The following HSPBP1 variants were observed in gnomAD, a reference collection of about 807,000 sequenced individuals.
HSPBP1 encodes hsp70-binding protein 1.
Under a neutral mutation model 41.7 loss-of-function variants are expected in HSPBP1, and 31 were observed. That is an observed-to-expected ratio of 0.74 (90% CI 0.56 to 1.00). The LOEUF (loss-of-function observed/expected upper bound fraction) is 1.00. Ranked by LOEUF, HSPBP1 falls within the 50% of genes least tolerant of loss-of-function variation. The pLI, the probability that HSPBP1 is intolerant of heterozygous loss-of-function variation, is 0.00. For synonymous variants in HSPBP1, 199 were observed against 214.4 expected (o/e 0.93, Z 0.63); for missense variants, 439 against 487.9 (o/e 0.90, Z 0.94).
intron 3 of HSPBP1, among the ~76,000 whole-genome samples, chr19:55,276,262 A>G (rs2088070206): frequency 6.6e-6 from 1 of 152,296 alleles, no homozygotes; most frequent in Middle Eastern, 3.4e-3. Flanking sequence ...AACGCTGATT[A>G]GTGGTTGCCA....
intron 1 of HSPBP1, 83 bp from the exon 2 acceptor site, chr19:55,279,785 G>T (rs1471988882): frequency 1.7e-5 from 25 of 1,457,332 alleles, no homozygotes; most frequent in Non-Finnish European, 2.2e-5. Context: ...CTTAACCACA[G>T]CCCCTTTTCC....
chr19:55,264,548 A>ACTTGTTATTTACCC (rs1402940249), intron 7 of HSPBP1, among the ~76,000 whole-genome samples: 4 of 151,978 alleles, frequency 2.6e-5, no homozygotes, highest in Non-Finnish European at 4.4e-5. Flanking sequence ...GTTATTTATC[A>ACTTGTTATTTACCC]CTTGTTATTT....
At chr19:55,279,733 C>G (rs972057728) in intron 1 of HSPBP1, 31 bp from the exon 2 acceptor site, 183 of 1,534,664 alleles carry the variant, frequency 1.2e-4, no homozygotes, top group Non-Finnish European at 1.5e-4. Context: ...CAGGGGAGCT[C>G]GGCGACCCCC....
rs1568967558 is a variant in HSPBP1 at position 55,274,429 on chromosome 19, CGT to C, written c.607_608del (p.Thr203GlyfsTer60). The C allele has an allele frequency of 6.3e-7, 1 of 1,580,920 alleles. No homozygotes were observed. The highest frequency in any genetic ancestry group is 1.8e-5 in the Admixed American group (1 of 57,040). ...LRLLDRDACD[T>X]VRVKALFAIS... ...TGGCGAAGAGGGCCTTGACGCGCAC[CGT>C]GTCGCAGGCGTCGCGGTCCAGCAGC... On this transcript the variant is annotated frameshift_variant, in exon 4 of 8. Coordinates refer to ENST00000433386, the MANE Select transcript of HSPBP1 (RefSeq NM_012267.5). LOFTEE classifies it high-confidence loss of function.
rs1272894469 is a variant in HSPBP1, at chr19:55,272,297, C to T, written c.640+2101G>A. On this transcript the variant is annotated intron_variant, in intron 4 of 7. Coordinates refer to ENST00000433386, the MANE Select transcript of HSPBP1 (RefSeq NM_012267.5). The surrounding 1 kb of genome is among the most constrained non-coding windows in gnomAD (Gnocchi z 4.2). ...GGCAGGGCACGGTGGACCCACGCAA[C>T]AGGACACATTCAGCCGCGGGAAGGA... Among the ~76,000 whole-genome samples the T allele has an allele frequency of 2.0e-5, 3 of 152,098 alleles. No individual in the cohort carries two copies. The highest frequency in any genetic ancestry group is 4.4e-5 in the Non-Finnish European group (3 of 68,022).
At chr19:55,275,157 A>G (rs1420624410) in intron 3 of HSPBP1, among the ~76,000 whole-genome samples, 1 of 152,150 alleles carries the variant, frequency 6.6e-6, no homozygotes, top group Non-Finnish European at 1.5e-5. Context: ...CATTTGGGGC[A>G]TTAGGGCCCC....
intron 2 of HSPBP1, among the ~76,000 whole-genome samples, chr19:55,278,598 T>C (rs140765181): frequency 2.9e-4 from 44 of 152,190 alleles, no homozygotes; most frequent in African/African-American, 1.0e-3. Context: ...CAGTCAGCAA[T>C]TGGCAAAGCC....
intron 3 of HSPBP1, among the ~76,000 whole-genome samples, chr19:55,276,887 C>T (rs1254903993): frequency 6.6e-6 from 1 of 152,172 alleles, no homozygotes; most frequent in Non-Finnish European, 1.5e-5. Context: ...TACTCTGTGC[C>T]TGGTGTTGTG....
rs1400564293 is a variant in HSPBP1 at position 55,265,798 on chromosome 19, G to A, written c.893+88C>T. The A allele has an allele frequency of 2.5e-5, 21 of 826,928 alleles. No homozygotes were observed. In the East Asian group the frequency reaches 5.6e-4, roughly 22 times the overall value. 51.2% of individuals were successfully genotyped at this position (826,928 alleles called of 1,614,324 possible). A position where few individuals can be genotyped will look rare whatever the true frequency, so the allele number is the denominator to read the frequency against. Reference sequence around the variant, plus strand: ...TCTACGGGAAGGTCCCAACTCCTGAGTCCCTACGGGCTGATTCCTGAGCCA... The same window carrying A: ...TCTACGGGAAGGTCCCAACTCCTGAATCCCTACGGGCTGATTCCTGAGCCA... On this transcript the variant is annotated intron_variant, in intron 6 of 7. Transcript: ENST00000433386.
intron 4 of HSPBP1, among the ~76,000 whole-genome samples, chr19:55,273,798 G>A (rs1357836882): frequency 6.6e-6 from 1 of 152,122 alleles, no homozygotes; most frequent in Non-Finnish European, 1.5e-5. Flanking sequence ...TTTGTGGCTG[G>A]ACATGGTGGA....
Position 55,266,295 on chromosome 19 carries a change from G to A in HSPBP1, c.641-9C>T, listed in dbSNP as rs372338506. On this transcript the variant is annotated splice_polypyrimidine_tract_variant and intron_variant, in intron 4 of 7. Transcript: ENST00000433386. ...CTGCTCTCGGACCAGACCTGGGAGA[G>A]GGGGAAAGGTCCTGAGCTTGCAGTC... 3 of 1,564,798 alleles carry A rather than the reference G, an allele frequency of 1.9e-6. No homozygotes were observed. Among genetic ancestry groups the A allele is most frequent in the Non-Finnish European group, 2.6e-6 (3 of 1,155,030 alleles).
rs2087831258 is a variant in HSPBP1 at position 55,268,003 on chromosome 19, T to C, written c.641-1717A>G. On this transcript the variant is annotated intron_variant, in intron 4 of 7. Coordinates refer to ENST00000433386, the MANE Select transcript of HSPBP1 (RefSeq NM_012267.5). The surrounding 1 kb of genome is among the most constrained non-coding windows in gnomAD (Gnocchi z 4.5). ...TGTGCTGGCCAAGAAGGACAGAAGC[T>C]GCTAGTAGCTTGTGGCCACTAAACA... Among the ~76,000 whole-genome samples, 1 of 152,220 alleles carries C rather than the reference T, an allele frequency of 6.6e-6. No homozygotes were observed. Among genetic ancestry groups the C allele is most frequent in the South Asian group, 2.1e-4 (1 of 4,830 alleles).
At chr19:55,279,282 C>G (rs1245167249) in intron 2 of HSPBP1, 117 bp downstream of exon 2, 1 of 843,990 alleles carries the variant, frequency 1.2e-6, no homozygotes, top group Non-Finnish European at 1.9e-6. Context: ...ACCTGGTTTT[C>G]TGCCTCCCAC....
rs1007594614 is a variant in HSPBP1, at chr19:55,272,358, T to C, written c.640+2040A>G. 6.6e-6 allele frequency among the ~76,000 whole-genome samples: 1 copy of C among 152,110 alleles called. No individual in the cohort carries two copies. Among genetic ancestry groups the C allele is most frequent in the Non-Finnish European group, 1.5e-5 (1 of 68,012 alleles). ...GCCACCCGCCACCACTCGGGGACCT[T>C]GCAGCATATGAAAGGAGCCAGGCAG... On this transcript the variant is annotated intron_variant, in intron 4 of 7. Coordinates refer to ENST00000433386, the MANE Select transcript of HSPBP1 (RefSeq NM_012267.5). The surrounding 1 kb of genome is among the most constrained non-coding windows in gnomAD (Gnocchi z 4.2).
chr19:55,273,120 G>T (rs767626584), intron 4 of HSPBP1, among the ~76,000 whole-genome samples: 1 of 152,120 alleles, frequency 6.6e-6, no homozygotes, highest in Non-Finnish European at 1.5e-5. Context: ...CTCCTGAGTA[G>T]ATGGAGGTAC....
intron 3 of HSPBP1, among the ~76,000 whole-genome samples, chr19:55,276,638 G>A (rs2088079945): frequency 6.6e-6 from 1 of 152,096 alleles, no homozygotes; most frequent in African/African-American, 2.4e-5. Flanking sequence ...GATATTTCCT[G>A]AACAAGCAAA....
rs370693267 is a variant in HSPBP1 at position 55,265,313 on chromosome 19, G to T, written c.970C>A (p.Arg324Ser). The change falls in exon 7 of 8, where the codon CGC becomes AGC. Residue 324 changes from arginine (R) to serine (S), a missense_variant. Arg to Ser is a moderately radical substitution (Grantham distance 110). Transcript: ENST00000433386. ...ELGLEELLRH[R>S]CQLLQQHEEY... ...TCATGCTGCTGCAGCAGCTGACAGCGGTGGCGGAGGAGCTCCTCCAGGCCC... is the reference window on the plus strand; with the variant it reads ...TCATGCTGCTGCAGCAGCTGACAGCTGTGGCGGAGGAGCTCCTCCAGGCCC... 1.9e-6 allele frequency: 3 copies of T among 1,612,254 alleles called. No homozygotes were observed. The highest frequency in any genetic ancestry group is 2.7e-5 in the African/African-American group (2 of 74,400).
chr19:55,264,970 C>T (rs2122803781), intron 7 of HSPBP1, among the ~76,000 whole-genome samples: 1 of 151,956 alleles, frequency 6.6e-6, no homozygotes, highest in Non-Finnish European at 1.5e-5. Flanking sequence ...CCCCAGGCCC[C>T]TCCCCCTCAC....
intron 7 of HSPBP1, among the ~76,000 whole-genome samples, chr19:55,263,214 C>A (rs1420356065): frequency 6.6e-6 from 1 of 152,178 alleles, no homozygotes; most frequent in African/African-American, 2.4e-5. Flanking sequence ...TGAGAACGAA[C>A]AGTTCACAAG....
Sources: gnomAD v4.1 joint callset for allele counts (sites outside exome capture counted in the v4.1 genomes callset) on GRCh38, gnomAD v4.1.1 for gene constraint, Gnocchi (gnomAD v3.1) non-coding constraint, MANE v1.5 for transcripts, NCBI Gene and HGNC (gene_info 2026-07-23, HGNC 2026-07-21) for gene names.